PLCL1: variants seen among roughly 807,000 people sequenced by gnomAD.
PLCL1 encodes the protein phospholipase C like 1 (inactive).
In PLCL1, 41 loss-of-function variants were observed where a neutral mutation model predicts 84.4. The ratio of observed to expected loss-of-function variants is 0.49; its 90% CI spans 0.38 to 0.63. The LOEUF (loss-of-function observed/expected upper bound fraction) is 0.63, where lower values mean the gene tolerates loss of function less well. Among genes scored for constraint, PLCL1 ranks in the 30% least tolerant of loss-of-function variants. The pLI, the probability that PLCL1 is intolerant of heterozygous loss-of-function variation, is 0.00. For synonymous variants in PLCL1, 490 were observed against 488.3 expected, an observed-to-expected ratio of 1.00 and a Z score of -0.05; for missense variants, 1,206 against 1,367.8, an observed-to-expected ratio of 0.88 and a Z score of 1.87.
At chr2:198,138,887 G>T (rs1054757608) in intron 5 of PLCL1, among the ~76,000 whole-genome samples, 3 of 152,100 alleles carry the variant, frequency 2.0e-5, no homozygotes, top group African/African-American at 7.2e-5. Flanking sequence ...TGGGCGTGGT[G>T]GCTCACACCT....
chr2:198,080,297 AATC>A (rs1298388950), intron 1 of PLCL1, among the ~76,000 whole-genome samples: 1 of 152,222 alleles, frequency 6.6e-6, no homozygotes, highest in Non-Finnish European at 1.5e-5. Context: ...ACTCTCATTC[AATC>A]ATCATCATCA....
intron 1 of PLCL1, among the ~76,000 whole-genome samples, chr2:197,851,004 T>C (rs1248105133): frequency 6.6e-6 from 1 of 152,228 alleles, no homozygotes; most frequent in Non-Finnish European, 1.5e-5. Context: ...CCTACCTGTT[T>C]TTCCCATAGG....
At chr2:197,885,218 AT>A (rs1239970464) in intron 1 of PLCL1, among the ~76,000 whole-genome samples, 1 of 152,062 alleles carries the variant, frequency 6.6e-6, no homozygotes, top group African/African-American at 2.4e-5. Context: ...TTTTAAGGAG[AT>A]TTTATTATGG....
chr2:198,074,317 A>G (rs1692529557), intron 1 of PLCL1, among the ~76,000 whole-genome samples: 1 of 152,216 alleles, frequency 6.6e-6, no homozygotes, highest in South Asian at 2.1e-4. Context: ...ATTTTTATAA[A>G]TCACATCTGT....
At chr2:197,953,105 A>G (rs1439313159) in intron 1 of PLCL1, among the ~76,000 whole-genome samples, 2 of 152,040 alleles carry the variant, frequency 1.3e-5, no homozygotes, top group Non-Finnish European at 2.9e-5. Flanking sequence ...CAATGTTATG[A>G]AGTAGGTATT....
chr2:197,831,240 C>G (rs1483948218), intron 1 of PLCL1, among the ~76,000 whole-genome samples: 3 of 152,062 alleles, frequency 2.0e-5, no homozygotes, highest in Non-Finnish European at 2.9e-5. Context: ...ACCCATCAGT[C>G]AAGACCCATC....
intron 1 of PLCL1, among the ~76,000 whole-genome samples, chr2:197,983,221 T>C (rs1295225008): frequency 1.4e-4 from 9 of 66,396 alleles, no homozygotes; most frequent in East Asian, 5.4e-4. Context: ...TTTTTTTTTT[T>C]TTTTTTTTTT....
At chr2:197,973,066 C>T (rs923944707) in intron 1 of PLCL1, among the ~76,000 whole-genome samples, 1 of 152,200 alleles carries the variant, frequency 6.6e-6, no homozygotes, top group Admixed American at 6.5e-5. Context: ...CTTCTTGGAG[C>T]TGCCCTGCTG....
chr2:197,923,334 G>C (rs1211232855), intron 1 of PLCL1, among the ~76,000 whole-genome samples: 1 of 146,400 alleles, frequency 6.8e-6, no homozygotes, highest in Admixed American at 6.8e-5. Flanking sequence ...GGTGGCTGCC[G>C]GGTGGAGAGG....
intron 1 of PLCL1, among the ~76,000 whole-genome samples, chr2:198,055,367 G>A (rs202097563): frequency 7.7e-5 from 1 of 12,922 alleles, no homozygotes; most frequent in South Asian, 2.3e-3. Flanking sequence ...GAGAGAGAAA[G>A]AGAGAGAGAG....
chr2:197,821,987 A>G (rs1416548181), intron 1 of PLCL1, among the ~76,000 whole-genome samples: 1 of 152,142 alleles, frequency 6.6e-6, no homozygotes, highest in Non-Finnish European at 1.5e-5. Context: ...AACACGGCTC[A>G]TGTGCTACTA....
intron 5 of PLCL1, among the ~76,000 whole-genome samples, chr2:198,143,557 A>G (rs936138586): frequency 6.6e-6 from 1 of 152,188 alleles, no homozygotes; most frequent in Non-Finnish European, 1.5e-5. Flanking sequence ...GACAGAGTAG[A>G]GAGAAAGAGA....
At chr2:198,129,522 T>C (rs764860079) in intron 5 of PLCL1, among the ~76,000 whole-genome samples, 1 of 152,164 alleles carries the variant, frequency 6.6e-6, no homozygotes. Context: ...TGATGTCTTA[T>C]GTCCTCCTAA....
At chr2:198,012,449 C>T (rs1690890111) in intron 1 of PLCL1, among the ~76,000 whole-genome samples, 1 of 152,048 alleles carries the variant, frequency 6.6e-6, no homozygotes, top group Admixed American at 6.6e-5. Context: ...TGCACTGTCT[C>T]TAGTGCTAAA....
chr2:198,131,454 A>G lies in PLCL1; in HGVS notation c.3106-15326A>G, dbSNP rs115350120. The stretch of plus-strand genomic sequence containing the variant: ...AAGCAATTAGGTGATGAATTTTAAC[A>G]TAGCAATTTTAACCTGAGCCCCAAT... On this transcript the variant is annotated intron_variant, in intron 5 of 5. Coordinates refer to ENST00000428675, the MANE Select transcript of PLCL1 (RefSeq NM_006226.4). Among the ~76,000 whole-genome samples, 984 of 152,302 alleles carry G rather than the reference A, an allele frequency of 6.5e-3. 18 individuals carry two copies. Among genetic ancestry groups the G allele is most frequent in the African/African-American group, 0.023 (938 of 41,572 alleles).
At chr2:197,924,136 G>GGGGAGAGGGAGAGGGAGAGGGAGA (rs78981355) in intron 1 of PLCL1, among the ~76,000 whole-genome samples, 16 of 90,300 alleles carry the variant, frequency 1.8e-4, no homozygotes, top group African/African-American at 5.6e-4. Flanking sequence ...GGGAGACCGT[G>GGGGAGAGGGAGAGGGAGAGGGAGA]GGGAGAGGGA....
At chr2:197,952,538 T>C (rs1689407353) in intron 1 of PLCL1, among the ~76,000 whole-genome samples, 1 of 152,164 alleles carries the variant, frequency 6.6e-6, no homozygotes, top group South Asian at 2.1e-4. Context: ...AATTCTTTTA[T>C]TGGAGAGCCT....
chr2:198,022,238 T>C (rs1384878401), intron 1 of PLCL1, among the ~76,000 whole-genome samples: 2 of 152,142 alleles, frequency 1.3e-5, no homozygotes, highest in Non-Finnish European at 2.9e-5. Context: ...CATATCTCAA[T>C]ATAATAAGAG....
At chr2:197,838,881 T>A (rs908478822) in intron 1 of PLCL1, among the ~76,000 whole-genome samples, 1 of 152,220 alleles carries the variant, frequency 6.6e-6, no homozygotes, top group Non-Finnish European at 1.5e-5. Flanking sequence ...TCTAAAGAGA[T>A]CACTGTTAAG....
Sources: allele counts gnomAD v4.1 joint callset (sites outside exome capture counted in the v4.1 genomes callset), GRCh38; gene constraint gnomAD v4.1.1; transcripts MANE v1.5; gene names NCBI Gene and HGNC (gene_info 2026-07-23, HGNC 2026-07-21).